Variants in CPA6 observed in about 807,000 individuals in gnomAD.
CPA6 encodes the protein carboxypeptidase A6, also known as carboxypeptidase B.
In CPA6, 58 loss-of-function variants were observed where a neutral mutation model predicts 63.3. The observed-to-expected ratio is 0.92, with a 90% confidence interval of 0.74 to 1.14. The LOEUF (loss-of-function observed/expected upper bound fraction) is 1.14, where lower values mean the gene tolerates loss of function less well. Ranked by LOEUF, CPA6 falls within the 50% of genes most tolerant of loss-of-function variation. The pLI, the probability that CPA6 is intolerant of heterozygous loss-of-function variation, is 0.00. For synonymous variants in CPA6, 185 were observed against 179.0 expected (o/e 1.03, Z -0.27); for missense variants, 565 against 526.6 (o/e 1.07, Z -0.71).
chr8:67,490,608 T>C (rs1811582938), intron 6 of CPA6, among the ~76,000 whole-genome samples: 1 of 152,208 alleles, frequency 6.6e-6, no homozygotes, highest in Non-Finnish European at 1.5e-5. Context: ...AGTTTGGAAC[T>C]GATTGGGGCA....
At chr8:67,687,982 C>T (rs758092535) in intron 1 of CPA6, among the ~76,000 whole-genome samples, 1 of 151,984 alleles carries the variant, frequency 6.6e-6, no homozygotes, top group African/African-American at 2.4e-5. Context: ...ATCACTTGAG[C>T]CTGGGTAACA....
intron 6 of CPA6, among the ~76,000 whole-genome samples, chr8:67,496,550 TA>T (rs1563976183): frequency 3.7e-4 from 49 of 133,216 alleles, no homozygotes; most frequent in East Asian, 6.1e-4. Flanking sequence ...TATATATATA[TA>T]TATATATTTA....
At chr8:67,716,313 C>T (rs1354745445) in intron 1 of CPA6, among the ~76,000 whole-genome samples, 1 of 151,988 alleles carries the variant, frequency 6.6e-6, no homozygotes, top group Non-Finnish European at 1.5e-5. Context: ...TGAGATAGGT[C>T]GCATAAGATA....
At chr8:67,610,360 G>A (rs529665746) in intron 2 of CPA6, among the ~76,000 whole-genome samples, 57 of 151,740 alleles carry the variant, frequency 3.8e-4, no homozygotes, top group African/African-American at 1.1e-3. Flanking sequence ...GTGACAGGCC[G>A]AGACTCTTTT....
Position 67,573,249 on chromosome 8 carries a change from T to A in CPA6, c.192+50927A>T, listed in dbSNP as rs183015829. ...GTTCATTCATGCCACCTCTATTTAATTTAGTATTGAAAGTCCTTGCCAGAG... is the reference window on the plus strand; with the variant it reads ...GTTCATTCATGCCACCTCTATTTAAATTAGTATTGAAAGTCCTTGCCAGAG... On this transcript the variant is annotated intron_variant, in intron 2 of 10. Coordinates refer to ENST00000297770, the MANE Select transcript of CPA6 (RefSeq NM_020361.5). Among the ~76,000 whole-genome samples the A allele has an allele frequency of 1.2e-3, 176 of 152,290 alleles. 2 individuals are homozygous for A. Among genetic ancestry groups the A allele is most frequent in the South Asian group, 8.3e-4 (4 of 4,826 alleles).
chr8:67,549,368 T>C (rs1202726997), intron 2 of CPA6, among the ~76,000 whole-genome samples: 2 of 152,222 alleles, frequency 1.3e-5, no homozygotes, highest in Admixed American at 1.3e-4. Flanking sequence ...CACGTTGAGG[T>C]ATGATTGACA....
In CPA6 at chr8:67,711,349, G is replaced by A. The variant is rs928202710; in HGVS notation, c.116+34665C>T. 2.0e-5 allele frequency among the ~76,000 whole-genome samples: 3 copies of A among 152,208 alleles called. No individual in the cohort carries two copies. In the East Asian group the frequency reaches 5.8e-4, roughly 29 times the overall value. On this transcript the variant is annotated intron_variant, in intron 1 of 10. Coordinates refer to ENST00000297770, the MANE Select transcript of CPA6 (RefSeq NM_020361.5). Reference sequence around the variant, plus strand: ...GCACAATTCAAATGTTAATTTGCTAGAAAACTCAGACTATCTTTGGTAAAT... The same window carrying A: ...GCACAATTCAAATGTTAATTTGCTAAAAAACTCAGACTATCTTTGGTAAAT...
At chr8:67,738,948 AT>A (rs1295251923) in intron 1 of CPA6, among the ~76,000 whole-genome samples, 2 of 152,176 alleles carry the variant, frequency 1.3e-5, no homozygotes, top group African/African-American at 4.8e-5. Context: ...GACAAAAAAA[AT>A]AATACTTTTG....
At chr8:67,425,318 A>G (rs1809858941) in intron 10 of CPA6, among the ~76,000 whole-genome samples, 1 of 152,148 alleles carries the variant, frequency 6.6e-6, no homozygotes, top group African/African-American at 2.4e-5. Flanking sequence ...CATTTACTCA[A>G]AAAATAACGC....
rs369834925 is a variant in CPA6 at position 67,422,552 on chromosome 8, C to T, written c.1266G>A (p.Met422Ile). ...MLIKPTCTETMLAVKNITMHL... is the reference protein window; with the variant it reads ...MLIKPTCTETILAVKNITMHL... ...GCATTGTGATATTTTTCACAGCCAG[C>T]ATAGTTTCTGTACAGGTGGGTTTGA... is the stretch of plus-strand genomic sequence containing the variant. Residue 422 changes from methionine to isoleucine, a missense_variant, in exon 11 of 11, where the codon ATG (methionine) becomes ATA (isoleucine). Transcript: ENST00000297770. 5.0e-6 allele frequency: 8 copies of T among 1,613,978 alleles called. No individual in the cohort carries two copies. The highest frequency in any genetic ancestry group is 6.8e-6 in the Non-Finnish European group (8 of 1,180,008).
chr8:67,601,098 C>G (rs564591599), intron 2 of CPA6, among the ~76,000 whole-genome samples: 33 of 152,224 alleles, frequency 2.2e-4, no homozygotes, highest in Admixed American at 7.2e-4. Flanking sequence ...GAGTACAAAT[C>G]CTCATTTGTA....
rs60127106 is a variant in CPA6 at position 67,457,698 on chromosome 8, G to GA, written c.839-23459dup. Reference sequence around the variant, plus strand: ...AGATCATGTTATTCCCCCAACCCCAGAAAAAAAAAATGCTCATTGGCTCCT... The same window carrying GA: ...AGATCATGTTATTCCCCCAACCCCAGAAAAAAAAAAATGCTCATTGGCTCCT... On this transcript the variant is annotated intron_variant, in intron 8 of 10. Coordinates refer to ENST00000297770, the MANE Select transcript of CPA6 (RefSeq NM_020361.5). Among the ~76,000 whole-genome samples, 193 of 148,934 alleles carry GA rather than the reference G, an allele frequency of 1.3e-3. 1 individual carries two copies. Among genetic ancestry groups the GA allele is most frequent in the African/African-American group, 4.0e-3 (163 of 40,960 alleles).
At chr8:67,628,659 T>A (rs1815248190) in intron 1 of CPA6, among the ~76,000 whole-genome samples, 1 of 152,378 alleles carries the variant, frequency 6.6e-6, no homozygotes, top group Non-Finnish European at 1.5e-5. Context: ...TTTTATCTTT[T>A]ACTTCATATG....
chr8:67,661,191 A>AGAGG (rs1816100237), intron 1 of CPA6, among the ~76,000 whole-genome samples: 1 of 152,186 alleles, frequency 6.6e-6, no homozygotes, highest in Non-Finnish European at 1.5e-5. Flanking sequence ...AGGAAGGTGT[A>AGAGG]ATTGAGAAGG....
At chr8:67,641,263 T>C (rs1815586702) in intron 1 of CPA6, among the ~76,000 whole-genome samples, 1 of 151,816 alleles carries the variant, frequency 6.6e-6, no homozygotes, top group Admixed American at 6.6e-5. Context: ...CAGGTTGGAT[T>C]GGATTTGGTT....
At chr8:67,502,350 C>T (rs2128963954) in intron 6 of CPA6, among the ~76,000 whole-genome samples, 1 of 152,262 alleles carries the variant, frequency 6.6e-6, no homozygotes, top group South Asian at 2.1e-4. Flanking sequence ...GTGGTCCCAA[C>T]TACTCTGGAG....
At chr8:67,659,607 T>C (rs891301478) in intron 1 of CPA6, among the ~76,000 whole-genome samples, 2 of 152,164 alleles carry the variant, frequency 1.3e-5, no homozygotes, top group African/African-American at 4.8e-5. Flanking sequence ...TTATTGAAAA[T>C]ATATTATATG....
At chr8:67,615,997 C>T (rs1372751488) in intron 2 of CPA6, among the ~76,000 whole-genome samples, 1 of 152,160 alleles carries the variant, frequency 6.6e-6, no homozygotes, top group African/African-American at 2.4e-5. Flanking sequence ...GTGACAGATG[C>T]TGAGAAGTGT....
At chr8:67,724,715 C>T (rs1394748868) in intron 1 of CPA6, among the ~76,000 whole-genome samples, 1 of 152,204 alleles carries the variant, frequency 6.6e-6, no homozygotes, top group Non-Finnish European at 1.5e-5. Flanking sequence ...GGCCCAGTTT[C>T]CCTTAAAACC....
Sources: gnomAD v4.1 joint callset for allele counts (sites outside exome capture counted in the v4.1 genomes callset) on GRCh38, gnomAD v4.1.1 for gene constraint, MANE v1.5 for transcripts, NCBI Gene and HGNC (gene_info 2026-07-23, HGNC 2026-07-21) for gene names.